TFG: variants seen among roughly 807,000 people sequenced by gnomAD.
TFG encodes the protein trafficking from ER to golgi regulator.
A neutral mutation model predicts 51.4 loss-of-function variants in TFG; 22 were observed. The observed-to-expected ratio is 0.43, with a 90% CI of 0.31 to 0.61. TFG has a LOEUF of 0.61. TFG is among the 20% of genes least tolerant of loss of function. The pLI is 0.12. For synonymous variants in TFG, 187 were observed against 165.6 expected (o/e 1.13, Z -0.99); for missense variants, 419 against 487.7 (o/e 0.86, Z 1.33).
chr3:100,740,312 G>A (rs2149091817), intron 6 of TFG, among the ~76,000 whole-genome samples: 1 of 152,280 alleles, frequency 6.6e-6, no homozygotes, highest in East Asian at 1.9e-4. Flanking sequence ...AGTTAAAAAT[G>A]GCTGCTGGGG....
At chr3:100,733,515 T>G (rs1225789901) in intron 5 of TFG, among the ~76,000 whole-genome samples, 1 of 152,238 alleles carries the variant, frequency 6.6e-6, no homozygotes, top group African/African-American at 2.4e-5. Flanking sequence ...TTATGTTTGA[T>G]TCTTTAAAAA....
chr3:100,719,411 C>T (rs897053035), intron 2 of TFG, among the ~76,000 whole-genome samples: 8 of 152,282 alleles, frequency 5.3e-5, no homozygotes, highest in Admixed American at 1.3e-4. Context: ...GGGGATTTCA[C>T]GGTCATAAAT....
chr3:100,728,625 A>G (rs117690900), intron 3 of TFG, 87 bp from the exon 4 acceptor site: 1 of 1,151,924 alleles, frequency 8.7e-7, no homozygotes, highest in East Asian at 2.8e-5. Context: ...TTTTTAAAGG[A>G]ATTGTATTTA....
chr3:100,713,879 T>A lies in TFG; in HGVS notation c.184+10T>A. On this transcript the variant is annotated intron_variant, in intron 2 of 7. Transcript: ENST00000240851. ...AAGTATAAAGATGAAGGTAAGAGTG[T>A]TTTTAAAGCTATTTTTTAAAGTCTT... The A allele has an allele frequency of 7.1e-7, 1 of 1,414,838 alleles. No homozygotes were observed. The highest frequency in any genetic ancestry group is 9.4e-7 in the Non-Finnish European group (1 of 1,059,564). 87.6% of individuals were successfully genotyped at this position (1,414,838 alleles called of 1,614,324 possible).
rs902693040 is a variant in TFG at position 100,723,470 on chromosome 3, A to G, written c.268+3412A>G. On this transcript the variant is annotated intron_variant, in intron 3 of 7. Coordinates refer to ENST00000240851, the MANE Select transcript of TFG (RefSeq NM_006070.6). ...ATCGGTTAAAATAATCTCTTAATGGAATTTTAAAAAAAATCCAGTTCCATG... is the reference window on the plus strand; with the variant it reads ...ATCGGTTAAAATAATCTCTTAATGGGATTTTAAAAAAAATCCAGTTCCATG... Among the ~76,000 whole-genome samples, 9 of 152,114 alleles carry G rather than the reference A, an allele frequency of 5.9e-5. No homozygotes were observed. In the South Asian group the frequency reaches 1.7e-3, roughly 28 times the overall value.
At chr3:100,733,517 C>G (rs2095097451) in intron 5 of TFG, among the ~76,000 whole-genome samples, 1 of 152,054 alleles carries the variant, frequency 6.6e-6, no homozygotes, top group Non-Finnish European at 1.5e-5. Context: ...ATGTTTGATT[C>G]TTTAAAAATA....
In TFG at chr3:100,715,687, T is replaced by G. The variant is rs72919437; in HGVS notation, c.184+1818T>G. Among the ~76,000 whole-genome samples the G allele has an allele frequency of 4.9e-3, 740 of 152,270 alleles. 6 individuals are homozygous for G. The highest frequency in any genetic ancestry group is 0.017 in the African/African-American group (707 of 41,556). ...TGCTTATCATACATTGATTTGCACC[T>G]CTGTGACTTTGAAATGTGTGTCTTA... is the stretch of plus-strand genomic sequence containing the variant. On this transcript the variant is annotated intron_variant, in intron 2 of 7. Transcript: ENST00000240851.
intron 2 of TFG, among the ~76,000 whole-genome samples, chr3:100,717,695 T>C (rs1422074595): frequency 6.6e-6 from 1 of 152,034 alleles, no homozygotes; most frequent in Non-Finnish European, 1.5e-5. Flanking sequence ...TTTTATTGTA[T>C]GTGTATAGAA....
intron 2 of TFG, 54 bp downstream of exon 2, chr3:100,713,923 A>AAG (rs1553699583): frequency 1.2e-4 from 144 of 1,192,864 alleles, no homozygotes; most frequent in Middle Eastern, 3.0e-4. Context: ...AAAAAAAAAA[A>AAG]AGACAGAGCC....
chr3:100,721,707 A>G (rs2095061243), intron 3 of TFG, among the ~76,000 whole-genome samples: 1 of 152,204 alleles, frequency 6.6e-6, no homozygotes, highest in African/African-American at 2.4e-5. Context: ...TAGGTTTCTC[A>G]CAGACAAAAC....
At chr3:100,745,413 C>T (rs142916668) in intron 7 of TFG, among the ~76,000 whole-genome samples, 3 of 152,126 alleles carry the variant, frequency 2.0e-5, no homozygotes, top group Admixed American at 6.5e-5. Flanking sequence ...TGTAGGAATA[C>T]CAGAAATAGG....
intron 6 of TFG, chr3:100,743,313 G>A (rs2095126480): frequency 1.3e-5 from 2 of 152,032 alleles, no homozygotes; most frequent in Non-Finnish European, 2.9e-5. Context: ...AGAGTTCATT[G>A]TTATGTGCTA....
intron 7 of TFG, among the ~76,000 whole-genome samples, chr3:100,745,878 G>T (rs72928677): frequency 0.03 from 4,491 of 152,200 alleles, 178 homozygotes; most frequent in African/African-American, 0.091. Context: ...TGGCAGAGTT[G>T]AGTAGTTGCA....
At chr3:100,732,998 A>G (rs72928626) in intron 5 of TFG, among the ~76,000 whole-genome samples, 4,521 of 152,292 alleles carry the variant, frequency 0.03, 182 homozygotes, top group African/African-American at 0.092. Flanking sequence ...GAACTATTTT[A>G]TAATTTGATT....
intron 6 of TFG, among the ~76,000 whole-genome samples, chr3:100,737,976 T>G (rs2095111192): frequency 6.6e-6 from 1 of 152,156 alleles, no homozygotes; most frequent in African/African-American, 2.4e-5. Context: ...GGAGGATTGT[T>G]TGCATTGTTG....
chr3:100,722,534 A>G (rs1410188377), intron 3 of TFG, among the ~76,000 whole-genome samples: 1 of 152,218 alleles, frequency 6.6e-6, no homozygotes, highest in Non-Finnish European at 1.5e-5. Context: ...AGGCACGGGG[A>G]GCCTTGAGCA....
At chr3:100,714,400 A>G (rs1432329728) in intron 2 of TFG, among the ~76,000 whole-genome samples, 1 of 151,962 alleles carries the variant, frequency 6.6e-6, no homozygotes, top group Non-Finnish European at 1.5e-5. Flanking sequence ...ACTCGGGAGG[A>G]TGAGGCAGAG....
chr3:100,748,232 C>A lies in TFG; in HGVS notation c.904C>A (p.Pro302Thr). Residue 302 changes from proline to threonine, a missense_variant, in exon 8 of 8, where the codon CCT becomes ACT. Coordinates refer to ENST00000240851, the MANE Select transcript of TFG (RefSeq NM_006070.6). ...GCAACCAACTTCCCAGGCACCAGCT[C>A]CTGCCTTTTCTGGTCAGCCTCAACA... The part of the protein sequence containing the change: ...GQQPTSQAPA[P>T]AFSGQPQQLP... 1 of 1,614,108 alleles carries A rather than the reference C, an allele frequency of 6.2e-7. No homozygotes were observed. The highest frequency in any genetic ancestry group is 8.5e-7 in the Non-Finnish European group (1 of 1,179,976).
At chr3:100,716,082 C>T (rs1451030692) in intron 2 of TFG, among the ~76,000 whole-genome samples, 1 of 151,982 alleles carries the variant, frequency 6.6e-6, no homozygotes, top group Non-Finnish European at 1.5e-5. Context: ...ATTCAATATT[C>T]TCCTTCTAGC....
Sources: allele counts gnomAD v4.1 joint callset (sites outside exome capture counted in the v4.1 genomes callset), GRCh38; gene constraint gnomAD v4.1.1; transcripts MANE v1.5; gene names NCBI Gene and HGNC (gene_info 2026-07-23, HGNC 2026-07-21).